Variants in SLC26A7 observed in about 807,000 individuals in gnomAD.
SLC26A7 encodes the protein solute carrier family 26 member 7.
Under a neutral mutation model 82.5 loss-of-function variants are expected in SLC26A7, and 59 were observed. That is an observed-to-expected ratio of 0.72 (90% CI 0.58 to 0.89). SLC26A7 has a LOEUF of 0.89. SLC26A7 is among the 40% of genes least tolerant of loss of function. The pLI, the probability that SLC26A7 is intolerant of heterozygous loss-of-function variation, is 0.00. For missense variants in SLC26A7, 820 were observed against 793.0 expected (o/e 1.03, Z -0.41); for synonymous variants, 271 against 274.3 (o/e 0.99, Z 0.12).
chr8:91,328,752 A>G (rs1240796167), intron 5 of SLC26A7, among the ~76,000 whole-genome samples: 3 of 152,052 alleles, frequency 2.0e-5, no homozygotes, highest in African/African-American at 7.2e-5. Flanking sequence ...AATATATTGT[A>G]TATGTGTGTG....
At chr8:91,239,958 A>C (rs1810452174) in intron 2 of SLC26A7, among the ~76,000 whole-genome samples, 1 of 152,236 alleles carries the variant, frequency 6.6e-6, no homozygotes, top group Non-Finnish European at 1.5e-5. Context: ...AAAGACTTAA[A>C]CATTATCCAA....
chr8:91,237,366 A>G (rs1421902651), intron 2 of SLC26A7, among the ~76,000 whole-genome samples: 1 of 152,136 alleles, frequency 6.6e-6, no homozygotes, highest in Non-Finnish European at 1.5e-5. Context: ...GATTTCCTGT[A>G]TTTTTATTCG....
chr8:91,219,528 G>A (rs527414286), intron 2 of SLC26A7, among the ~76,000 whole-genome samples: 1 of 151,404 alleles, frequency 6.6e-6, no homozygotes, highest in Admixed American at 6.6e-5. Flanking sequence ...TTTTTTTCTC[G>A]TTTTAAAAAA....
chr8:91,240,679 G>A (rs1446913055), intron 2 of SLC26A7, among the ~76,000 whole-genome samples: 3 of 152,106 alleles, frequency 2.0e-5, no homozygotes, highest in African/African-American at 7.2e-5. Context: ...TGTTGTTTGT[G>A]AACAAGTCAT....
chr8:91,211,840 C>G (rs933202039), intron 1 of SLC26A7, among the ~76,000 whole-genome samples: 1 of 151,752 alleles, frequency 6.6e-6, no homozygotes, highest in Non-Finnish European at 1.5e-5. Context: ...GAGGGAGACA[C>G]TGGATGATAA....
At chr8:91,283,509 A>G (rs1450195992) in intron 2 of SLC26A7, among the ~76,000 whole-genome samples, 1 of 152,192 alleles carries the variant, frequency 6.6e-6, no homozygotes, top group Middle Eastern at 3.2e-3. Flanking sequence ...AGAATGTAGC[A>G]CAGGATTGAA....
In SLC26A7 at chr8:91,395,269, T is replaced by G; in HGVS notation, c.*172T>G. ...GTTGGAAAGAACTGCCAACTTTTTT[T>G]TCTCATTTTTGTTAGTAAGAAGATT... On this transcript the variant is annotated 3_prime_UTR_variant, in exon 19 of 19. Coordinates refer to ENST00000276609, the MANE Select transcript of SLC26A7 (RefSeq NM_052832.4). 1.4e-6 allele frequency: 2 copies of G among 1,400,104 alleles called. No homozygotes were observed. The highest frequency in any genetic ancestry group is 1.9e-6 in the Non-Finnish European group (2 of 1,077,368). The allele number at this position is 1,400,104 out of a possible 1,614,324, so 86.7% of individuals were successfully genotyped here. A position where few individuals can be genotyped will look rare whatever the true frequency, so the allele number is the denominator to read the frequency against.
chr8:91,236,533 A>G (rs900677460), intron 2 of SLC26A7, among the ~76,000 whole-genome samples: 2 of 150,704 alleles, frequency 1.3e-5, no homozygotes, highest in African/African-American at 4.9e-5. Context: ...ATCAACATTC[A>G]TCACTGATAT....
chr8:91,235,213 C>A (rs1013739382), intron 2 of SLC26A7, among the ~76,000 whole-genome samples: 1 of 152,158 alleles, frequency 6.6e-6, no homozygotes, highest in African/African-American at 2.4e-5. Flanking sequence ...CATGAGCCAC[C>A]ATGCCCAGCC....
At chr8:91,280,148 T>C (rs562144904) in intron 2 of SLC26A7, among the ~76,000 whole-genome samples, 1 of 152,330 alleles carries the variant, frequency 6.6e-6, no homozygotes, top group African/African-American at 2.4e-5. Flanking sequence ...CCTATGTTTT[T>C]TGGCATCATA....
chr8:91,378,681 T>C lies in SLC26A7; in HGVS notation c.1675+8848T>C, dbSNP rs963995664. Among the ~76,000 whole-genome samples the C allele has an allele frequency of 7.3e-5, 11 of 151,644 alleles. No homozygotes were observed. In the East Asian group the frequency reaches 2.1e-3, roughly 29 times the overall value. ...AGATACCAGCTAGGAGAGCCCCGAGTCTTACTGTCTCTCTCATGACCATAC... is the reference window on the plus strand; with the variant it reads ...AGATACCAGCTAGGAGAGCCCCGAGCCTTACTGTCTCTCTCATGACCATAC... On this transcript the variant is annotated intron_variant, in intron 15 of 18. Coordinates refer to ENST00000276609, the MANE Select transcript of SLC26A7 (RefSeq NM_052832.4).
In SLC26A7 at chr8:91,393,926, T is replaced by C; in HGVS notation, c.1832-10T>C. On this transcript the variant is annotated splice_polypyrimidine_tract_variant and intron_variant, in intron 17 of 18. Coordinates refer to ENST00000276609, the MANE Select transcript of SLC26A7 (RefSeq NM_052832.4). ...ACATGTATTCTTATATCACTTGTGC[T>C]TTCTTGAAGCTTCCTTGATAAAAGC... is the stretch of plus-strand genomic sequence containing the variant. 1 of 1,613,296 alleles carries C rather than the reference T, an allele frequency of 6.2e-7. No homozygotes were observed. The highest frequency in any genetic ancestry group is 1.1e-5 in the South Asian group (1 of 90,972).
intron 2 of SLC26A7, among the ~76,000 whole-genome samples, chr8:91,266,653 G>A (rs1811122022): frequency 6.6e-6 from 1 of 151,850 alleles, no homozygotes; most frequent in African/African-American, 2.4e-5. Context: ...GAGACTTTAG[G>A]ATTTTCTAGA....
chr8:91,301,712 C>T (rs974201040), intron 4 of SLC26A7, among the ~76,000 whole-genome samples: 4 of 151,338 alleles, frequency 2.6e-5, no homozygotes, highest in Non-Finnish European at 5.9e-5. Flanking sequence ...CTGCTTTTAT[C>T]TTTATTATTT....
intron 2 of SLC26A7, among the ~76,000 whole-genome samples, chr8:91,242,599 T>A (rs1810489337): frequency 6.6e-6 from 1 of 152,156 alleles, no homozygotes; most frequent in Non-Finnish European, 1.5e-5. Context: ...AATGATACCC[T>A]TATAAAGGAA....
chr8:91,233,883 C>T (rs892360559), intron 2 of SLC26A7, among the ~76,000 whole-genome samples: 3 of 152,168 alleles, frequency 2.0e-5, no homozygotes, highest in African/African-American at 7.2e-5. Context: ...TACTGTCTTC[C>T]AGCCCCCAGA....
chr8:91,235,458 A>G (rs1398861280), intron 2 of SLC26A7, among the ~76,000 whole-genome samples: 2 of 152,226 alleles, frequency 1.3e-5, no homozygotes, highest in Non-Finnish European at 2.9e-5. Flanking sequence ...ATCAAGACGA[A>G]AAGAGAAAAA....
chr8:91,282,730 A>G (rs1245975469), intron 2 of SLC26A7, among the ~76,000 whole-genome samples: 1 of 152,146 alleles, frequency 6.6e-6, no homozygotes, highest in Admixed American at 6.5e-5. Context: ...ACCACTTAAT[A>G]CTGAAGACTC....
intron 15 of SLC26A7, among the ~76,000 whole-genome samples, chr8:91,378,911 T>G (rs1173935113): frequency 6.6e-6 from 1 of 152,058 alleles, no homozygotes. Flanking sequence ...ATGAAATAAT[T>G]GTTTATTTAA....
Sources: allele counts gnomAD v4.1 joint callset (sites outside exome capture counted in the v4.1 genomes callset), GRCh38; gene constraint gnomAD v4.1.1; transcripts MANE v1.5; gene names NCBI Gene and HGNC (gene_info 2026-07-23, HGNC 2026-07-21).